The following RALGPS2 variants were observed in gnomAD, a reference collection of about 807,000 sequenced individuals.
RALGPS2 encodes ras-specific guanine nucleotide-releasing factor RalGPS2.
In RALGPS2, 43 loss-of-function variants were observed where a neutral mutation model predicts 86.8. The observed-to-expected ratio is 0.50, with a 90% CI of 0.39 to 0.64. RALGPS2 has a LOEUF of 0.64. RALGPS2 is among the 30% of genes least tolerant of loss of function. The pLI, the probability that RALGPS2 is intolerant of heterozygous loss-of-function variation, is 0.00. For synonymous variants in RALGPS2, 243 were observed against 231.3 expected, an observed-to-expected ratio of 1.05 and a Z score of -0.46; for missense variants, 536 against 694.6, an observed-to-expected ratio of 0.77 and a Z score of 2.57.
intron 5 of RALGPS2, among the ~76,000 whole-genome samples, chr1:178,809,532 AAAAC>A (rs897105161): frequency 6.6e-6 from 1 of 152,220 alleles, no homozygotes; most frequent in African/African-American, 2.4e-5. Context: ...ACATTAAAAA[AAAAC>A]AGTTTGTTAT....
intron 4 of RALGPS2, among the ~76,000 whole-genome samples, chr1:178,789,302 A>T (rs1200879985): frequency 6.6e-6 from 1 of 152,216 alleles, no homozygotes; most frequent in African/African-American, 2.4e-5. Context: ...AGACCACGTG[A>T]GAGATGAAGG....
intron 8 of RALGPS2, among the ~76,000 whole-genome samples, chr1:178,862,499 AT>A (rs1658096335): frequency 6.6e-6 from 1 of 152,174 alleles, no homozygotes; most frequent in East Asian, 1.9e-4. Flanking sequence ...AAAATGTCTT[AT>A]GTATGTTACA....
chr1:178,839,532 C>T (rs957475609), intron 8 of RALGPS2, among the ~76,000 whole-genome samples: 40 of 152,016 alleles, frequency 2.6e-4, no homozygotes, highest in Admixed American at 2.3e-3. Flanking sequence ...TGGAAAGGAA[C>T]AACTGGTACC....
intron 7 of RALGPS2, among the ~76,000 whole-genome samples, chr1:178,830,659 T>C (rs1207714738): frequency 6.6e-6 from 1 of 152,172 alleles, no homozygotes; most frequent in African/African-American, 2.4e-5. Flanking sequence ...TCTCTCTGGT[T>C]TGGCATGAAT....
chr1:178,870,801 A>G (rs1658710446), intron 8 of RALGPS2: 1 of 152,178 alleles, frequency 6.6e-6, no homozygotes, highest in African/African-American at 2.4e-5. Context: ...TTGATTTTAA[A>G]AATCAGTGTA....
intron 19 of RALGPS2, among the ~76,000 whole-genome samples, chr1:178,914,496 A>G (rs1289084790): frequency 3.3e-5 from 5 of 151,768 alleles, no homozygotes; most frequent in Non-Finnish European, 5.9e-5. Context: ...TCGCTCTTCA[A>G]CCCTGGTTCT....
At chr1:178,904,013 A>G (rs545778379) in intron 18 of RALGPS2, among the ~76,000 whole-genome samples, 2 of 152,078 alleles carry the variant, frequency 1.3e-5, no homozygotes, top group South Asian at 4.2e-4. Flanking sequence ...GCCAACATCT[A>G]CTGTTTTTTT....
chr1:178,750,620 A>G (rs554150656), intron 1 of RALGPS2, among the ~76,000 whole-genome samples: 1 of 152,322 alleles, frequency 6.6e-6, no homozygotes, highest in African/African-American at 2.4e-5. Flanking sequence ...TAGCTGGTTG[A>G]TGAATTCAGG....
rs574372799 is a variant in RALGPS2 at position 178,892,384 on chromosome 1, C to T, written c.1325+77C>T. 154 of 1,193,656 alleles carry T rather than the reference C, an allele frequency of 1.3e-4. 1 individual carries two copies. The South Asian group carries it at 1.7e-3, about 13-fold the overall frequency. 73.9% of individuals were successfully genotyped at this position (1,193,656 alleles called of 1,614,324 possible). Reference sequence around the variant, plus strand: ...ATTGGCTTACATGGGTGTGGTCTGACGTTATTTCTTTTCTTTCTCAACTAA... The same window carrying T: ...ATTGGCTTACATGGGTGTGGTCTGATGTTATTTCTTTTCTTTCTCAACTAA... On this transcript the variant is annotated intron_variant, in intron 15 of 19. Transcript: ENST00000367635.
At chr1:178,782,339 T>A (rs1457845271) in intron 2 of RALGPS2, among the ~76,000 whole-genome samples, 1 of 152,064 alleles carries the variant, frequency 6.6e-6, no homozygotes, top group African/African-American at 2.4e-5. Context: ...CAGAGAAAAA[T>A]TCACTTCTGC....
chr1:178,894,770 A>G (rs762218805), intron 16 of RALGPS2, among the ~76,000 whole-genome samples: 1 of 152,072 alleles, frequency 6.6e-6, no homozygotes, highest in East Asian at 1.9e-4. Flanking sequence ...AAATGTTATT[A>G]TATGTGCCAT....
chr1:178,846,636 A>G (rs1244654471), intron 8 of RALGPS2, among the ~76,000 whole-genome samples: 1 of 152,146 alleles, frequency 6.6e-6, no homozygotes, highest in Non-Finnish European at 1.5e-5. Flanking sequence ...GGGTTGTGTT[A>G]ATTTCATCCC....
Position 178,877,629 on chromosome 1 carries a change from G to A in RALGPS2, c.739G>A (p.Glu247Lys). The change falls in exon 9 of 20, where the codon GAA becomes AAA. Residue 247 changes from glutamate (E) to lysine (K), a missense_variant. By Grantham distance (56) the Glu-to-Lys change is moderately conservative (BLOSUM62 1). This residue lies in a region of RALGPS2 where 184 missense variants were observed against 296.7 expected (regional missense o/e 0.62). Coordinates refer to ENST00000367635, the MANE Select transcript of RALGPS2 (RefSeq NM_152663.5). ...AATTTCTGATTTACAGCAGTCTTGT[G>A]AATATGGTAAGTTTCTAGGGGATAA... ...RIISDLQQSCEYDIPMLPHVQ... is the reference protein window; with the variant it reads ...RIISDLQQSCKYDIPMLPHVQ... 6.2e-7 allele frequency: 1 copy of A among 1,612,846 alleles called. No individual in the cohort carries two copies. The highest frequency in any genetic ancestry group is 8.5e-7 in the Non-Finnish European group (1 of 1,179,218).
At chr1:178,817,282 TTG>T (rs1406634538) in intron 6 of RALGPS2, among the ~76,000 whole-genome samples, 1 of 147,134 alleles carries the variant, frequency 6.8e-6, no homozygotes, top group Non-Finnish European at 1.5e-5. Context: ...AAGGCAGAGT[TTG>T]TGGTGAGCTA....
chr1:178,871,881 T>G (rs537274314), intron 8 of RALGPS2, among the ~76,000 whole-genome samples: 1 of 152,342 alleles, frequency 6.6e-6, no homozygotes, highest in African/African-American at 2.4e-5. Flanking sequence ...TCTGGCAAGG[T>G]TCTTCTGCTA....
chr1:178,738,505 G>A (rs1039681629), intron 1 of RALGPS2, among the ~76,000 whole-genome samples: 4 of 152,134 alleles, frequency 2.6e-5, no homozygotes, highest in East Asian at 1.9e-4. Context: ...CACTGCCGTC[G>A]GCTAATAGTT....
intron 2 of RALGPS2, among the ~76,000 whole-genome samples, chr1:178,783,483 A>G (rs1653494242): frequency 6.6e-6 from 1 of 152,174 alleles, no homozygotes. Flanking sequence ...AAAGTTAAGG[A>G]CAGATCCCTT....
At chr1:178,749,240 A>G (rs1465289361) in intron 1 of RALGPS2, among the ~76,000 whole-genome samples, 5 of 152,072 alleles carry the variant, frequency 3.3e-5, no homozygotes, top group African/African-American at 1.2e-4. Context: ...TAATCCTAGC[A>G]CTTTGGGAGG....
intron 5 of RALGPS2, among the ~76,000 whole-genome samples, 181 bp from the exon 6 acceptor site, chr1:178,811,134 C>T (rs888617215): frequency 6.6e-6 from 1 of 151,868 alleles, no homozygotes; most frequent in Non-Finnish European, 1.5e-5. Context: ...TATGATTCTA[C>T]TCAATCTAAA....
Sources: gnomAD v4.1 joint callset for allele counts (sites outside exome capture counted in the v4.1 genomes callset) on GRCh38, gnomAD v4.1.1 for gene constraint, gnomAD v4.1.1 regional missense constraint, MANE v1.5 for transcripts, NCBI Gene and HGNC (gene_info 2026-07-23, HGNC 2026-07-21) for gene names.